The following RGS7 variants were observed in gnomAD, a reference collection of about 807,000 sequenced individuals.
RGS7 encodes the protein regulator of G protein signaling 7.
In RGS7, 27 loss-of-function variants were observed where a neutral mutation model predicts 81.1. The observed-to-expected ratio is 0.33, with a 90% CI of 0.25 to 0.46. The LOEUF (loss-of-function observed/expected upper bound fraction) is 0.46. Ranked by LOEUF, RGS7 falls within the 20% of genes least tolerant of loss-of-function variation. The pLI is 1.00. For missense variants in RGS7, 396 were observed against 607.4 expected, an observed-to-expected ratio of 0.65 and a Z score of 3.66; for synonymous variants, 208 against 207.7, an observed-to-expected ratio of 1.00 and a Z score of -0.01.
rs371714355 is a variant in RGS7, at chr1:240,811,131, T to C, written c.1082+787A>G. On this transcript the variant is annotated intron_variant, in intron 14 of 18. Coordinates refer to ENST00000440928, the MANE Select transcript of RGS7 (RefSeq NM_001364886.1). ...CAGAGAACTTTCAGTAAATGAATTT[T>C]ACAGGACTGCATAAGTCATGGAAAA... Among the ~76,000 whole-genome samples, 23 of 152,332 alleles carry C rather than the reference T, an allele frequency of 1.5e-4. 2 individuals are homozygous for C. Among genetic ancestry groups the C allele is most frequent in the East Asian group, 5.8e-4 (3 of 5,188 alleles).
intron 18 of RGS7, among the ~76,000 whole-genome samples, chr1:240,800,173 C>CATTG: frequency 6.6e-6 from 1 of 152,262 alleles, no homozygotes; most frequent in East Asian, 1.9e-4. Context: ...AATTGTTTGA[C>CATTG]ATTGTCTTTA....
chr1:241,087,968 C>CTATATA (rs1213344745), intron 3 of RGS7, among the ~76,000 whole-genome samples: 15 of 87,288 alleles, frequency 1.7e-4, no homozygotes, highest in African/African-American at 6.0e-4. Flanking sequence ...CTCTCTCTCT[C>CTATATA]TCTCTCTCTA....
At chr1:240,847,128 C>T (rs1558345814) in intron 9 of RGS7, among the ~76,000 whole-genome samples, 1 of 152,070 alleles carries the variant, frequency 6.6e-6, no homozygotes, top group Non-Finnish European at 1.5e-5. Context: ...TCTTCTGATC[C>T]CCAAAAGTAT....
Sources: allele counts gnomAD v4.1 joint callset (sites outside exome capture counted in the v4.1 genomes callset), GRCh38; gene constraint gnomAD v4.1.1; transcripts MANE v1.5; gene names NCBI Gene and HGNC (gene_info 2026-07-23, HGNC 2026-07-21).